ANKHD1: variants seen among roughly 807,000 people sequenced by gnomAD.
ANKHD1 encodes the protein ankyrin repeat and KH domain containing 1, also known as ankyrin repeat and KH domain-containing protein 1.
A neutral mutation model predicts 230.5 loss-of-function variants in ANKHD1; 31 were observed. The ratio of observed to expected loss-of-function variants is 0.13; its 90% CI spans 0.10 to 0.18. The LOEUF is 0.18. Among genes scored for constraint, ANKHD1 ranks in the 10% least tolerant of loss-of-function variants. The pLI, the probability that ANKHD1 is intolerant of heterozygous loss-of-function variation, is 1.00. For missense variants in ANKHD1, 2,256 were observed against 3,071.3 expected (o/e 0.73, Z 6.27); for synonymous variants, 1,074 against 1,117.6 (o/e 0.96, Z 0.78).
At chr5:140,496,076 G>C (rs1752020634) in intron 14 of ANKHD1, among the ~76,000 whole-genome samples, 1 of 152,142 alleles carries the variant, frequency 6.6e-6, no homozygotes. Context: ...AGTTGATATT[G>C]CTAAAAGAAT....
chr5:140,533,996 C>T (rs939727643), intron 29 of ANKHD1, among the ~76,000 whole-genome samples: 2 of 152,004 alleles, frequency 1.3e-5, no homozygotes, highest in Non-Finnish European at 2.9e-5. Context: ...CTGTTGCCTA[C>T]CACAATAATG....
intron 21 of ANKHD1, 55 bp downstream of exon 21, chr5:140,509,867 A>G: frequency 1.3e-6 from 2 of 1,566,874 alleles, no homozygotes; most frequent in Non-Finnish European, 1.7e-6. Context: ...CACTTTTCAG[A>G]GCTTTTAAAG....
chr5:140,485,351 G>T lies in ANKHD1; in HGVS notation c.1998+103G>T, dbSNP rs1751453945. On this transcript the variant is annotated intron_variant, in intron 12 of 33. Transcript: ENST00000360839. The surrounding 1 kb of genome is among the most constrained non-coding windows in gnomAD (Gnocchi z 4.8). ...GCGGGTGGATCACTTGAGCCCAGGAGTTTGAGACTAGTCTAGGCAACATAA... is the reference window on the plus strand; with the variant it reads ...GCGGGTGGATCACTTGAGCCCAGGATTTTGAGACTAGTCTAGGCAACATAA... 14 of 1,450,206 alleles carry T rather than the reference G, an allele frequency of 9.7e-6. No individual in the cohort carries two copies. The highest frequency in any genetic ancestry group is 7.2e-5 in the African/African-American group (5 of 69,290). The allele number at this position is 1,450,206 out of a possible 1,614,324, so 89.8% of individuals were successfully genotyped here.
chr5:140,538,685 C>G (rs1413471294), intron 32 of ANKHD1, among the ~76,000 whole-genome samples: 1 of 152,106 alleles, frequency 6.6e-6, no homozygotes, highest in Non-Finnish European at 1.5e-5. Context: ...GAGAAATTTC[C>G]TGATGATTTC....
At chr5:140,433,664 A>C (rs546869602) in intron 1 of ANKHD1, among the ~76,000 whole-genome samples, 1 of 152,182 alleles carries the variant, frequency 6.6e-6, no homozygotes, top group Non-Finnish European at 1.5e-5. Context: ...AGAGATATAT[A>C]TATCTCAAAT....
chr5:140,523,401 C>T (rs1000607257), intron 24 of ANKHD1, among the ~76,000 whole-genome samples: 1 of 152,016 alleles, frequency 6.6e-6, no homozygotes, highest in East Asian at 1.9e-4. Flanking sequence ...AGCCACCATG[C>T]CCAGCCTGCA....
At chr5:140,447,799 C>T (rs916901201) in intron 6 of ANKHD1, among the ~76,000 whole-genome samples, 5 of 152,108 alleles carry the variant, frequency 3.3e-5, no homozygotes, top group African/African-American at 7.2e-5. Context: ...CTAGGAAAGA[C>T]GTTAAGGGCA....
At position 140,440,108 on chromosome 5, in the gene ANKHD1, T is replaced by G; in HGVS notation, c.618-11T>G. 1 of 1,595,320 alleles carries G rather than the reference T, an allele frequency of 6.3e-7. No individual in the cohort carries two copies. Among genetic ancestry groups the G allele is most frequent in the Non-Finnish European group, 8.5e-7 (1 of 1,171,248 alleles). Reference sequence around the variant, plus strand: ...TTGTTTCGGTTAATTGTTGAATGGTTTTGTTTCCAGTCGCAGTCTAGCAGA... The same window carrying G: ...TTGTTTCGGTTAATTGTTGAATGGTGTTGTTTCCAGTCGCAGTCTAGCAGA... On this transcript the variant is annotated splice_polypyrimidine_tract_variant and intron_variant, in intron 3 of 33. Coordinates refer to ENST00000360839, the MANE Select transcript of ANKHD1 (RefSeq NM_017747.3).
At chr5:140,442,092 T>A (rs1000411516) in intron 5 of ANKHD1, among the ~76,000 whole-genome samples, 2 of 143,694 alleles carry the variant, frequency 1.4e-5, no homozygotes, top group African/African-American at 2.6e-5. Flanking sequence ...CAGGCTGGAG[T>A]GCAGTGGCAC....
chr5:140,452,119 A>G (rs1774793703), intron 7 of ANKHD1, among the ~76,000 whole-genome samples: 2 of 152,142 alleles, frequency 1.3e-5, no homozygotes, highest in Admixed American at 6.6e-5. Context: ...AGCCTCCCTC[A>G]TTGCTAACAC....
rs1754212650 is a variant in ANKHD1, at chr5:140,539,506, A to G, written c.*88A>G. ...GATTTTTTTTTAATGTGCCTAAGAA[A>G]TTTTCTCTGAGGCTTTAGCAATGGA... On this transcript the variant is annotated 3_prime_UTR_variant, in exon 34 of 34. Transcript: ENST00000360839. 1.4e-6 allele frequency: 2 copies of G among 1,433,310 alleles called. No homozygotes were observed. Among genetic ancestry groups the G allele is most frequent in the Admixed American group, 2.2e-5 (1 of 45,692 alleles). 88.8% of individuals were successfully genotyped at this position (1,433,310 alleles called of 1,614,324 possible).
chr5:140,468,468 GTTC>G (rs991002027), intron 10 of ANKHD1, among the ~76,000 whole-genome samples: 3 of 152,038 alleles, frequency 2.0e-5, no homozygotes, highest in Non-Finnish European at 4.4e-5. Flanking sequence ...GTACTCTGTA[GTTC>G]TTCTTCCTGG....
At chr5:140,523,530 A>G (rs1753458754) in intron 24 of ANKHD1, among the ~76,000 whole-genome samples, 1 of 151,820 alleles carries the variant, frequency 6.6e-6, no homozygotes, top group Admixed American at 6.6e-5. Flanking sequence ...ATGATTTGCA[A>G]AAATATTTTT....
chr5:140,435,012 A>T (rs1265042220), intron 1 of ANKHD1, among the ~76,000 whole-genome samples: 1 of 152,176 alleles, frequency 6.6e-6, no homozygotes, highest in Non-Finnish European at 1.5e-5. Context: ...TTACATGTTT[A>T]TTTTTGTAAG....
chr5:140,525,559 C>T lies in ANKHD1; in HGVS notation c.4493-437C>T, dbSNP rs139585663. On this transcript the variant is annotated intron_variant, in intron 25 of 33. Coordinates refer to ENST00000360839, the MANE Select transcript of ANKHD1 (RefSeq NM_017747.3). ...GAAATTACAGGCATGAGCCACTGCA[C>T]CTGGCCACAGTAAAAGATTTCTTTA... 4.5e-4 allele frequency among the ~76,000 whole-genome samples: 69 copies of T among 152,300 alleles called. 1 individual carries two copies. The highest frequency in any genetic ancestry group is 6.8e-3 in the Middle Eastern group (2 of 294).
chr5:140,402,691 G>A (rs1314869412), intron 1 of ANKHD1, among the ~76,000 whole-genome samples: 1 of 152,178 alleles, frequency 6.6e-6, no homozygotes, highest in Non-Finnish European at 1.5e-5. Context: ...TCAGAGTTGA[G>A]GGATACGTTT....
intron 24 of ANKHD1, among the ~76,000 whole-genome samples, chr5:140,520,928 A>AT (rs1411318780): frequency 7.8e-5 from 11 of 141,596 alleles, no homozygotes; most frequent in East Asian, 4.3e-4. Context: ...TTAAAGTATA[A>AT]TAAAAAAAAA....
intron 2 of ANKHD1, among the ~76,000 whole-genome samples, chr5:140,437,716 G>A (rs1470583398): frequency 1.3e-5 from 2 of 152,058 alleles, no homozygotes; most frequent in Non-Finnish European, 2.9e-5. Flanking sequence ...AAAAAAATAA[G>A]TAAAATAAAA....
At chr5:140,417,433 T>C (rs1771484093) in intron 1 of ANKHD1, among the ~76,000 whole-genome samples, 1 of 151,722 alleles carries the variant, frequency 6.6e-6, no homozygotes, top group Admixed American at 6.6e-5. Context: ...TAAAAAATTT[T>C]TTAATTTAAA....
Sources: allele counts gnomAD v4.1 joint callset (sites outside exome capture counted in the v4.1 genomes callset), GRCh38; gene constraint gnomAD v4.1.1; non-coding constraint Gnocchi (gnomAD v3.1); transcripts MANE v1.5; gene names NCBI Gene and HGNC (gene_info 2026-07-23, HGNC 2026-07-21).